The following SOX5 variants were observed in gnomAD, a reference collection of about 807,000 sequenced individuals.
SOX5 encodes transcription factor SOX-5.
SOX5 carries 9 observed loss-of-function variants against 92.0 expected under a neutral mutation model. The ratio of observed to expected loss-of-function variants is 0.10; its 90% confidence interval spans 0.06 to 0.17. SOX5 has a LOEUF of 0.17. Among genes scored for constraint, SOX5 ranks in the 10% least tolerant of loss-of-function variants. SOX5 has a pLI of 1.00. For synonymous variants in SOX5, 344 were observed against 336.3 expected (o/e 1.02, Z -0.25); for missense variants, 642 against 944.5 (o/e 0.68, Z 4.20).
intron 1 of SOX5, among the ~76,000 whole-genome samples, chr12:24,395,249 A>T (rs1295376408): frequency 1.4e-5 from 2 of 139,998 alleles, no homozygotes; most frequent in African/African-American, 2.9e-5. Flanking sequence ...CAGATCTATT[A>T]AAAAAAAAAA....
intron 4 of SOX5, among the ~76,000 whole-genome samples, chr12:24,072,326 G>T (rs1057096564): frequency 6.6e-6 from 1 of 152,006 alleles, no homozygotes; most frequent in African/African-American, 2.4e-5. Context: ...GCTCCTAAAA[G>T]AAATAAAAAC....
At chr12:24,430,753 A>G (rs914371535) in intron 1 of SOX5, among the ~76,000 whole-genome samples, 1 of 152,176 alleles carries the variant, frequency 6.6e-6, no homozygotes, top group Non-Finnish European at 1.5e-5. Context: ...CCATTCACTA[A>G]ATAAAAGTTT....
At chr12:23,898,724 G>A (rs992664666) in intron 1 of SOX5, among the ~76,000 whole-genome samples, 51 of 152,332 alleles carry the variant, frequency 3.3e-4, no homozygotes, top group African/African-American at 1.2e-3. Flanking sequence ...GAACGTGAAA[G>A]CGTCATGATG....
chr12:23,671,507 AG>A (rs1271129898), intron 6 of SOX5, among the ~76,000 whole-genome samples: 1 of 152,196 alleles, frequency 6.6e-6, no homozygotes, highest in African/African-American at 2.4e-5. Context: ...TTAGGTAGGC[AG>A]AATATAATTA....
At chr12:23,577,500 C>G (rs1218967783) in intron 9 of SOX5, among the ~76,000 whole-genome samples, 2 of 151,722 alleles carry the variant, frequency 1.3e-5, no homozygotes, top group Non-Finnish European at 2.9e-5. Flanking sequence ...CGCCTGGCCT[C>G]AAGTCTATAT....
At chr12:23,630,661 T>C (rs565824331) in intron 8 of SOX5, among the ~76,000 whole-genome samples, 2 of 152,156 alleles carry the variant, frequency 1.3e-5, no homozygotes, top group African/African-American at 4.8e-5. Context: ...AGACTTTGCA[T>C]GCATTATTTC....
At chr12:24,481,619 G>A (rs149653899) in intron 1 of SOX5, among the ~76,000 whole-genome samples, 416 of 152,258 alleles carry the variant, frequency 2.7e-3, no homozygotes, top group Non-Finnish European at 4.1e-3. Flanking sequence ...CTGGACAGTA[G>A]TAACTCATTT....
At chr12:23,946,448 T>C (rs571257961) in intron 1 of SOX5, among the ~76,000 whole-genome samples, 3 of 152,094 alleles carry the variant, frequency 2.0e-5, no homozygotes, top group Admixed American at 6.6e-5. Flanking sequence ...AAATAGAATA[T>C]TGAGAAACTA....
intron 2 of SOX5, among the ~76,000 whole-genome samples, chr12:24,292,595 T>A (rs1233790276): frequency 6.6e-6 from 1 of 152,176 alleles, no homozygotes; most frequent in Non-Finnish European, 1.5e-5. Context: ...CCTTTTCACA[T>A]AGACCACAAT....
chr12:24,256,726 C>T (rs1478886483), intron 3 of SOX5, among the ~76,000 whole-genome samples: 1 of 152,118 alleles, frequency 6.6e-6, no homozygotes, highest in East Asian at 1.9e-4. Flanking sequence ...CCCCTGTCAG[C>T]ATGAAGCATG....
At chr12:24,251,244 T>C (rs1300503358) in intron 3 of SOX5, among the ~76,000 whole-genome samples, 24 of 152,174 alleles carry the variant, frequency 1.6e-4, no homozygotes, top group Non-Finnish European at 1.5e-5. Context: ...CTTATCCTAA[T>C]CATTTATAGA....
chr12:23,929,019 A>AT (rs1940759797), intron 1 of SOX5, among the ~76,000 whole-genome samples: 1 of 122,248 alleles, frequency 8.2e-6, no homozygotes, highest in African/African-American at 3.0e-5. Context: ...CTGCTCTGGT[A>AT]GTGTTTTTTT....
chr12:24,100,633 TTA>T (rs959792085), intron 4 of SOX5, among the ~76,000 whole-genome samples: 7 of 152,100 alleles, frequency 4.6e-5, no homozygotes, highest in African/African-American at 1.7e-4. Context: ...ATGAACAAAT[TTA>T]TGTCTCTAAC....
intron 3 of SOX5, among the ~76,000 whole-genome samples, chr12:23,838,856 C>T (rs867886509): frequency 4.6e-5 from 1 of 21,520 alleles, no homozygotes; most frequent in Admixed American, 6.0e-4. Context: ...GGGGGGGGGG[C>T]GGGGATGGAG....
At chr12:24,461,368 C>T (rs557736672) in intron 1 of SOX5, among the ~76,000 whole-genome samples, 2 of 152,160 alleles carry the variant, frequency 1.3e-5, no homozygotes, top group Non-Finnish European at 2.9e-5. Context: ...AGTGGATCTA[C>T]ACCTTAGACA....
chr12:24,230,264 G>A (rs902849272), intron 3 of SOX5, among the ~76,000 whole-genome samples: 14 of 152,140 alleles, frequency 9.2e-5, no homozygotes, highest in African/African-American at 2.4e-4. Context: ...AAGACTTCCC[G>A]TCATTAGCTG....
chr12:24,291,810 G>A (rs896140547), intron 2 of SOX5, among the ~76,000 whole-genome samples: 1 of 152,144 alleles, frequency 6.6e-6, no homozygotes, highest in Admixed American at 6.5e-5. Context: ...TGTTTTTATA[G>A]GACAGTATCA....
At position 23,787,429 on chromosome 12, in the gene SOX5, C is replaced by A. The variant is rs182124651; in HGVS notation, c.482-31705G>T. 7.2e-5 allele frequency among the ~76,000 whole-genome samples: 11 copies of A among 151,910 alleles called. No individual in the cohort carries two copies. In the East Asian group the frequency reaches 2.1e-3, roughly 29 times the overall value. On this transcript the variant is annotated intron_variant, in intron 3 of 14. Transcript: ENST00000451604. ...ACTACTTAAAACAAAAGATTTAAAC[C>A]GACTAATTTTATATTAAAGGGCAGT...
chr12:23,759,173 A>G (rs536658344), intron 3 of SOX5, among the ~76,000 whole-genome samples: 24 of 152,134 alleles, frequency 1.6e-4, no homozygotes, highest in African/African-American at 5.5e-4. Context: ...CTAGGGTAAC[A>G]CATATGTATG....
Sources: gnomAD v4.1 joint callset for allele counts (sites outside exome capture counted in the v4.1 genomes callset) on GRCh38, gnomAD v4.1.1 for gene constraint, MANE v1.5 for transcripts, NCBI Gene and HGNC (gene_info 2026-07-23, HGNC 2026-07-21) for gene names.